Variants in BID observed in about 807,000 individuals in gnomAD.
The protein encoded by BID is BH3 interacting domain death agonist, also known as BH3-interacting domain death agonist.
A neutral mutation model predicts 17.4 loss-of-function variants in BID; 19 were observed. The observed-to-expected ratio is 1.09, with a 90% confidence interval of 0.76 to 1.60. The LOEUF (loss-of-function observed/expected upper bound fraction) is 1.60. BID is among the 40% of genes most tolerant of loss of function. The pLI is 0.00. For missense variants in BID, 226 were observed against 256.0 expected (o/e 0.88, Z 0.80); for synonymous variants, 108 against 102.8 (o/e 1.05, Z -0.31).
At chr22:17,767,386 A>G (rs993756342) in intron 1 of BID, among the ~76,000 whole-genome samples, 7 of 152,204 alleles carry the variant, frequency 4.6e-5, no homozygotes, top group Non-Finnish European at 8.8e-5. Flanking sequence ...CAATGACTCA[A>G]AAAAAGTTTT....
At chr22:17,752,544 G>A (rs546302121) in intron 1 of BID, among the ~76,000 whole-genome samples, 1 of 152,218 alleles carries the variant, frequency 6.6e-6, no homozygotes, top group East Asian at 1.9e-4. Context: ...CATCATGGAG[G>A]AATACCACTA....
intron 1 of BID, among the ~76,000 whole-genome samples, chr22:17,768,547 G>A (rs912050658): frequency 2.6e-5 from 4 of 152,126 alleles, no homozygotes; most frequent in Admixed American, 6.5e-5. Flanking sequence ...CTCCTGGTCC[G>A]CCCCTCCCTG....
At chr22:17,738,279 A>G in intron 4 of BID, 50 bp from the exon 5 acceptor site, 1 of 1,544,918 alleles carries the variant, frequency 6.5e-7, no homozygotes, top group East Asian at 2.3e-5. Context: ...CTTCCCTCTC[A>G]AAGGAAAGAC....
intron 1 of BID, 25 bp from the exon 2 acceptor site, chr22:17,750,199 C>T (rs746747519): frequency 1.3e-6 from 2 of 1,598,904 alleles, no homozygotes; most frequent in Admixed American, 3.4e-5. Flanking sequence ...ACAGAGTGGG[C>T]GGCCGCTCCT....
intron 3 of BID, chr22:17,740,352 T>C: frequency 1.6e-6 from 1 of 628,154 alleles, no homozygotes; most frequent in East Asian, 2.8e-5. Flanking sequence ...GGACAGAAGA[T>C]TGCTTAAGGC....
intron 5 of BID, among the ~76,000 whole-genome samples, 181 bp downstream of exon 5, chr22:17,737,836 G>T (rs556444501): frequency 6.6e-6 from 1 of 152,256 alleles, no homozygotes; most frequent in African/African-American, 2.4e-5. Flanking sequence ...AGGACTCTGG[G>T]TGCTCTTCGT....
At position 17,757,850 on chromosome 22, in the gene BID, G is replaced by GC. The variant is rs996949469; in HGVS notation, c.-58-7677dup. On this transcript the variant is annotated intron_variant, in intron 1 of 5. Coordinates refer to ENST00000622694, the MANE Select transcript of BID (RefSeq NM_001196.4). ...GCAAGGGACTCGGCCGCTGTCACTC[G>GC]CGTTTGCCTGGGAGAGGCTCCAAGG... is the stretch of plus-strand genomic sequence containing the variant. Among the ~76,000 whole-genome samples, 16 of 152,288 alleles carry GC rather than the reference G, an allele frequency of 1.1e-4. 1 individual carries two copies. The highest frequency in any genetic ancestry group is 7.8e-4 in the Admixed American group (12 of 15,300).
At chr22:17,747,360 G>A (rs1358167099) in intron 2 of BID, among the ~76,000 whole-genome samples, 1 of 152,114 alleles carries the variant, frequency 6.6e-6, no homozygotes, top group African/African-American at 2.4e-5. Flanking sequence ...TCATTCTGTT[G>A]CCCAGGCTGG....
intron 3 of BID, among the ~76,000 whole-genome samples, chr22:17,741,483 T>C (rs1190885187): frequency 4.6e-5 from 7 of 151,640 alleles, no homozygotes; most frequent in Non-Finnish European, 8.8e-5. Flanking sequence ...TTTTTTTCTT[T>C]TTTTTTTCAA....
intron 1 of BID, chr22:17,764,265 AAC>A (rs2061662678): frequency 6.5e-6 from 1 of 154,598 alleles, no homozygotes; most frequent in South Asian, 2.0e-4. Flanking sequence ...CAGTCCACAA[AAC>A]ACAGAGAACC....
chr22:17,760,940 A>G (rs1247013578), intron 1 of BID, among the ~76,000 whole-genome samples: 1 of 152,216 alleles, frequency 6.6e-6, no homozygotes, highest in Non-Finnish European at 1.5e-5. Context: ...AAGGGAGGGC[A>G]CTGACAAGCA....
intron 1 of BID, among the ~76,000 whole-genome samples, chr22:17,765,134 C>T (rs73879903): frequency 0.052 from 7,838 of 152,058 alleles, 282 homozygotes; most frequent in Middle Eastern, 0.075. Context: ...CCTGTGTGTC[C>T]GGCTCAAGAC....
In BID at chr22:17,773,421, C is replaced by T. The variant is rs999481564; in HGVS notation, c.-59+960G>A. 1.3e-5 allele frequency among the ~76,000 whole-genome samples: 2 copies of T among 152,166 alleles called. No individual in the cohort carries two copies. Among genetic ancestry groups the T allele is most frequent in the Admixed American group, 1.3e-4 (2 of 15,282 alleles). On this transcript the variant is annotated intron_variant, in intron 1 of 5. Coordinates refer to ENST00000622694, the MANE Select transcript of BID (RefSeq NM_001196.4). The surrounding 1 kb of genome is among the most constrained non-coding windows in gnomAD (Gnocchi z 4.4). ...TGGGTGGAGATGGAATGTGGAAAAA[C>T]CGCATCCTCTGCAGCTCCCCCACAG...
At chr22:17,768,872 CAAA>C (rs56172842) in intron 1 of BID, among the ~76,000 whole-genome samples, 5 of 73,738 alleles carry the variant, frequency 6.8e-5, no homozygotes, top group Non-Finnish European at 8.4e-5. Context: ...GACTCCGTCT[CAAA>C]AAAAAAAAAA....
rs1269842416 is a variant in BID at position 17,734,425 on chromosome 22, A to G, written c.*1155T>C. 6.6e-6 allele frequency: 1 copy of G among 152,196 alleles called. No homozygotes were observed. The highest frequency in any genetic ancestry group is 1.5e-5 in the Non-Finnish European group (1 of 68,044). The allele number at this position is 152,196 out of a possible 1,614,324, so 9.4% of individuals were successfully genotyped here. ...TCACAGGAGTTTCCTGTTCACAGCA[A>G]TGTGTGTGATATGGACCCAGCATCC... On this transcript the variant is annotated 3_prime_UTR_variant, in exon 6 of 6. Coordinates refer to ENST00000622694, the MANE Select transcript of BID (RefSeq NM_001196.4).
intron 2 of BID, among the ~76,000 whole-genome samples, chr22:17,747,064 C>A (rs1052472541): frequency 6.6e-6 from 1 of 152,172 alleles, no homozygotes; most frequent in East Asian, 1.9e-4. Flanking sequence ...AAAATAAAGA[C>A]TCGAGGCGGC....
At chr22:17,750,457 C>A (rs2061529606) in intron 1 of BID, among the ~76,000 whole-genome samples, 1 of 152,168 alleles carries the variant, frequency 6.6e-6, no homozygotes, top group South Asian at 2.1e-4. Context: ...GAAACGGGGC[C>A]GTGGGCTCAC....
intron 1 of BID, among the ~76,000 whole-genome samples, chr22:17,771,182 C>G (rs1490044435): frequency 6.6e-6 from 1 of 152,238 alleles, no homozygotes; most frequent in Non-Finnish European, 1.5e-5. Context: ...TCACTGCAAG[C>G]TCCACCTCCC....
intron 4 of BID, 127 bp downstream of exon 4, chr22:17,739,222 C>G (rs1985882732): frequency 7.9e-7 from 1 of 1,265,446 alleles, no homozygotes; most frequent in Admixed American, 2.9e-5. Context: ...GTTACTTCGT[C>G]AGAGTTCTGG....
Sources: gnomAD v4.1 joint callset for allele counts (sites outside exome capture counted in the v4.1 genomes callset) on GRCh38, gnomAD v4.1.1 for gene constraint, Gnocchi (gnomAD v3.1) non-coding constraint, MANE v1.5 for transcripts, NCBI Gene and HGNC (gene_info 2026-07-23, HGNC 2026-07-21) for gene names.